The following NAV1 variants were observed in gnomAD, a reference collection of about 807,000 sequenced individuals.
NAV1 encodes the protein neuron navigator 1, also known as pore membrane and/or filament interacting like protein 3.
A neutral mutation model predicts 175.2 loss-of-function variants in NAV1; 18 were observed. That is an observed-to-expected ratio of 0.10 (90% CI 0.07 to 0.15). The LOEUF is 0.15. Among genes scored for constraint, NAV1 ranks in the 10% least tolerant of loss-of-function variants. The pLI, the probability that NAV1 is intolerant of heterozygous loss-of-function variation, is 1.00. For missense variants in NAV1, 1,731 were observed against 2,436.6 expected (o/e 0.71, Z 6.10); for synonymous variants, 897 against 978.7 (o/e 0.92, Z 1.56).
rs1665449573 is a variant in NAV1 at position 201,539,766 on chromosome 1, C to T, written c.-144+424C>T. ...GCACACACCCTACCCGCACCTCTGC[C>T]TTTCGTTGAAGCAAGAGTTAACTCC... On this transcript the variant is annotated intron_variant, in intron 1 of 33. Transcript: ENST00000685211. This position sits in a 1 kb window ranked among gnomAD's most constrained non-coding sequence, Gnocchi z 5.6. Among the ~76,000 whole-genome samples the T allele has an allele frequency of 6.6e-6, 1 of 152,234 alleles. No individual in the cohort carries two copies. The highest frequency in any genetic ancestry group is 1.5e-5 in the Non-Finnish European group (1 of 68,044).
intron 2 of NAV1, among the ~76,000 whole-genome samples, chr1:201,630,777 A>G (rs1015588903): frequency 1.3e-5 from 2 of 152,254 alleles, no homozygotes; most frequent in Non-Finnish European, 2.9e-5. Context: ...CCGAAAAGCC[A>G]TCAGAATTAG....
At chr1:201,631,978 G>C (rs1401876925) in intron 2 of NAV1, among the ~76,000 whole-genome samples, 1 of 152,134 alleles carries the variant, frequency 6.6e-6, no homozygotes, top group African/African-American at 2.4e-5. Context: ...AATGTAAGTG[G>C]TTGTAGAGCT....
At chr1:201,579,783 TCAGAGAAA>T (rs1224230944) in intron 1 of NAV1, among the ~76,000 whole-genome samples, 1 of 152,200 alleles carries the variant, frequency 6.6e-6, no homozygotes, top group Non-Finnish European at 1.5e-5. Flanking sequence ...TTAGGGTTCT[TCAGAGAAA>T]CAGACCGATA....
chr1:201,770,307 G>A (rs1176625482), intron 3 of NAV1, among the ~76,000 whole-genome samples: 1 of 152,184 alleles, frequency 6.6e-6, no homozygotes, highest in African/African-American at 2.4e-5. Flanking sequence ...ATCCTACAGA[G>A]GAGATGGATG....
intron 1 of NAV1, among the ~76,000 whole-genome samples, chr1:201,700,921 G>A (rs1671391934): frequency 7.3e-6 from 1 of 137,452 alleles, no homozygotes; most frequent in African/African-American, 2.7e-5. Context: ...TGAGGCAGGA[G>A]AATGATGTGA....
rs1247446871 is a variant in NAV1 at position 201,635,106 on chromosome 1, T to C, written c.4+5599T>C. Among the ~76,000 whole-genome samples, 4 of 152,272 alleles carry C rather than the reference T, an allele frequency of 2.6e-5. No individual in the cohort carries two copies. In the South Asian group the frequency reaches 6.2e-4, roughly 24 times the overall value. On this transcript the variant is annotated intron_variant, in intron 2 of 29. Transcript: ENST00000367302. ...CAGGCTGGAGTGCAGTGGCACGATC[T>C]CAGCTCACTGCAAGCTCCGCCTCCT...
intron 2 of NAV1, among the ~76,000 whole-genome samples, chr1:201,642,800 TG>T (rs1668839909): frequency 6.6e-6 from 1 of 150,460 alleles, no homozygotes; most frequent in Non-Finnish European, 1.5e-5. Flanking sequence ...CTCGGAGTCT[TG>T]CTCTGTCGCC....
intron 2 of NAV1, among the ~76,000 whole-genome samples, chr1:201,602,637 GTTTTTTTTTTTTGGTT>G (rs1161634245): frequency 2.5e-4 from 29 of 114,444 alleles, no homozygotes; most frequent in Middle Eastern, 5.3e-3. Context: ...CTTAAGCTAT[GTTTTTTTTTTTTGGTT>G]TTTTTTTTTT....
At chr1:201,629,204 G>T (rs1024437890) in intron 1 of NAV1, among the ~76,000 whole-genome samples, 200 bp from the exon 4 acceptor site, 1 of 152,226 alleles carries the variant, frequency 6.6e-6, no homozygotes, top group African/African-American at 2.4e-5. Flanking sequence ...CCTGCCTGGC[G>T]CAGCTTTGCA....
chr1:201,734,479 G>A (rs374725434), intron 3 of NAV1, among the ~76,000 whole-genome samples: 3 of 65,980 alleles, frequency 4.5e-5, no homozygotes, highest in Non-Finnish European at 6.8e-5. Flanking sequence ...AAGAGGAGGA[G>A]GAGGAGGAAG....
At chr1:201,806,237 C>T (rs1273497286) in intron 17 of NAV1, among the ~76,000 whole-genome samples, 3 of 152,096 alleles carry the variant, frequency 2.0e-5, no homozygotes, top group African/African-American at 4.8e-5. Flanking sequence ...CGCCCACCTC[C>T]GCCTCCAAAA....
chr1:201,562,169 TA>T (rs1438695051), intron 1 of NAV1, among the ~76,000 whole-genome samples: 1 of 138,024 alleles, frequency 7.2e-6, no homozygotes, highest in Admixed American at 7.4e-5. Flanking sequence ...CTTGCCTGGC[TA>T]ATTTTTTTTT....
exon 4 of NAV1, chr1:201,780,543 G>A: frequency 6.2e-7 from 1 of 1,614,164 alleles, no homozygotes; most frequent in Non-Finnish European, 8.5e-7. Flanking sequence ...GCTTCTCGCA[G>A]GAACTCAACA....
At chr1:201,620,057 TG>T (rs1668114652), upstream of NAV1, among the ~76,000 whole-genome samples, 1 of 152,262 alleles carries the variant, frequency 6.6e-6, no homozygotes, top group Admixed American at 6.5e-5. Flanking sequence ...CTGGCTCTCA[TG>T]GTCACTTCAG....
intron 3 of NAV1, among the ~76,000 whole-genome samples, chr1:201,767,409 C>G (rs918807201): frequency 6.6e-6 from 1 of 151,714 alleles, no homozygotes; most frequent in African/African-American, 2.4e-5. Context: ...CGAGATTGCG[C>G]CATTGCACTC....
intron 1 of NAV1, among the ~76,000 whole-genome samples, chr1:201,697,231 G>T (rs369216659): frequency 6.6e-6 from 1 of 152,204 alleles, no homozygotes; most frequent in Non-Finnish European, 1.5e-5. Context: ...CAGATGGGCC[G>T]AGTCACAGGG....
intron 3 of NAV1, among the ~76,000 whole-genome samples, chr1:201,771,370 G>A (rs1373463077): frequency 6.6e-6 from 1 of 151,650 alleles, no homozygotes; most frequent in Non-Finnish European, 1.5e-5. Context: ...AATTGGCCGG[G>A]CATGGTGGCA....
intron 1 of NAV1, among the ~76,000 whole-genome samples, chr1:201,555,997 G>A (rs1666000061): frequency 6.6e-6 from 1 of 152,080 alleles, no homozygotes; most frequent in South Asian, 2.1e-4. Context: ...AGGATTTCAG[G>A]TCCGAAAGTG....
chr1:201,651,816 A>G (rs1038567089), intron 1 of NAV1, among the ~76,000 whole-genome samples: 1 of 151,980 alleles, frequency 6.6e-6, no homozygotes, highest in Admixed American at 6.6e-5. Context: ...AGAAGGGTGG[A>G]AACTCCCAAA....
Sources: gnomAD v4.1 joint callset for allele counts (sites outside exome capture counted in the v4.1 genomes callset) on GRCh38, gnomAD v4.1.1 for gene constraint, Gnocchi (gnomAD v3.1) non-coding constraint, MANE v1.5 for transcripts, NCBI Gene and HGNC (gene_info 2026-07-23, HGNC 2026-07-21) for gene names.